ITIH5: variants seen among roughly 807,000 people sequenced by gnomAD.
The protein encoded by ITIH5 is inter-alpha-trypsin inhibitor heavy chain H5.
A neutral mutation model predicts 77.5 loss-of-function variants in ITIH5; 65 were observed. The observed-to-expected ratio is 0.84, with a 90% CI of 0.69 to 1.03. ITIH5 has a LOEUF of 1.03. ITIH5 is among the 50% of genes least tolerant of loss of function. The pLI is 0.00. For synonymous variants in ITIH5, 525 were observed against 494.3 expected, an observed-to-expected ratio of 1.06 and a Z score of -0.82; for missense variants, 1,208 against 1,213.1, an observed-to-expected ratio of 1.00 and a Z score of 0.06.
At chr10:7,599,334 C>A (rs185209821) in intron 7 of ITIH5, among the ~76,000 whole-genome samples, 119 of 152,308 alleles carry the variant, frequency 7.8e-4, no homozygotes, top group African/African-American at 2.6e-3. Flanking sequence ...GAACCCCAGG[C>A]ATGGCTGCTT....
At chr10:7,631,256 C>T (rs1032098350) in intron 5 of ITIH5, among the ~76,000 whole-genome samples, 3 of 152,068 alleles carry the variant, frequency 2.0e-5, no homozygotes, top group Admixed American at 6.6e-5. Flanking sequence ...TAAAAGCTCC[C>T]GTGGATTCTA....
At chr10:7,644,646 T>C (rs138595874) in intron 2 of ITIH5, among the ~76,000 whole-genome samples, 23,635 of 84,976 alleles carry the variant, frequency 0.28, 4,187 homozygotes, top group East Asian at 0.42. Flanking sequence ...ATATATATCA[T>C]ATATATCACA....
chr10:7,575,653 C>G (rs927495947), intron 10 of ITIH5, among the ~76,000 whole-genome samples: 1 of 152,136 alleles, frequency 6.6e-6, no homozygotes, highest in African/African-American at 2.4e-5. Flanking sequence ...TTCAGATTCT[C>G]AGAGACTGAC....
chr10:7,601,011 T>G (rs532278885), intron 7 of ITIH5, among the ~76,000 whole-genome samples: 56 of 152,336 alleles, frequency 3.7e-4, no homozygotes, highest in African/African-American at 1.3e-3. Context: ...GAGTCCATAG[T>G]GGCCTGAATG....
intron 10 of ITIH5, among the ~76,000 whole-genome samples, chr10:7,573,968 G>A (rs556687947): frequency 2.4e-4 from 37 of 152,216 alleles, no homozygotes; most frequent in Admixed American, 1.2e-3. Context: ...TACCAGCATT[G>A]AACTGTACGC....
intron 5 of ITIH5, among the ~76,000 whole-genome samples, chr10:7,628,126 C>G (rs796412746): frequency 6.6e-6 from 1 of 152,180 alleles, no homozygotes; most frequent in African/African-American, 2.4e-5. Context: ...CAGACCTGAG[C>G]CACCATGCCC....
rs139222341 is a variant in ITIH5 at position 7,631,619 on chromosome 10, G to A, written c.652+5609C>T. On this transcript the variant is annotated intron_variant, in intron 5 of 13. Transcript: ENST00000397146. ...TCTCTGGTCTCCATGTGGAAGAGCAGAAGCAGGAGATGGGAAGAGGTTGTT... is the reference window on the plus strand; with the variant it reads ...TCTCTGGTCTCCATGTGGAAGAGCAAAAGCAGGAGATGGGAAGAGGTTGTT... 6.0e-4 allele frequency among the ~76,000 whole-genome samples: 91 copies of A among 152,300 alleles called. No homozygotes were observed. In the East Asian group the frequency reaches 0.012, roughly 19 times the overall value.
At chr10:7,657,418 T>C (rs995645858) in intron 1 of ITIH5, among the ~76,000 whole-genome samples, 1 of 151,918 alleles carries the variant, frequency 6.6e-6, no homozygotes, top group Non-Finnish European at 1.5e-5. Flanking sequence ...CCCACCAGTA[T>C]GCAATCTTTT....
intron 7 of ITIH5, among the ~76,000 whole-genome samples, chr10:7,596,813 C>T (rs1033226700): frequency 9.9e-5 from 15 of 151,744 alleles, no homozygotes; most frequent in Admixed American, 5.3e-4. Flanking sequence ...TTTGGGAGGT[C>T]GAGGAAGGAC....
chr10:7,617,563 A>G, intron 5 of ITIH5: 1 of 229,962 alleles, frequency 4.3e-6, no homozygotes, highest in South Asian at 1.8e-4. Flanking sequence ...CCCAACTTTA[A>G]CAAACATCAG....
At chr10:7,579,099 A>G (rs1288225740) in intron 9 of ITIH5, among the ~76,000 whole-genome samples, 1 of 152,254 alleles carries the variant, frequency 6.6e-6, no homozygotes, top group African/African-American at 2.4e-5. Context: ...AGCTCATTAA[A>G]TACTTAATAT....
At position 7,653,911 on chromosome 10, in the gene ITIH5, T is replaced by C. The variant is rs972255617; in HGVS notation, c.135+1720A>G. Among the ~76,000 whole-genome samples the C allele has an allele frequency of 3.3e-5, 5 of 152,194 alleles. No individual in the cohort carries two copies. The East Asian group carries it at 5.8e-4, about 18-fold the overall frequency. On this transcript the variant is annotated intron_variant, in intron 2 of 13. Coordinates refer to ENST00000397146, the MANE Select transcript of ITIH5 (RefSeq NM_030569.7). ...GGCTCACGCCTGTAATCCCAACACT[T>C]TGGGAGGCCGAGGTGGGCGGATCAC...
At chr10:7,626,666 C>G (rs1833584069) in intron 5 of ITIH5, among the ~76,000 whole-genome samples, 1 of 152,184 alleles carries the variant, frequency 6.6e-6, no homozygotes, top group Non-Finnish European at 1.5e-5. Flanking sequence ...ATACAGAATG[C>G]CTGGTTACGT....
intron 4 of ITIH5, among the ~76,000 whole-genome samples, chr10:7,637,825 C>A (rs1833826906): frequency 1.3e-5 from 2 of 152,134 alleles, no homozygotes; most frequent in African/African-American, 2.4e-5. Context: ...GAATTGTGCT[C>A]TCCCTTTACA....
At chr10:7,584,311 T>TC (rs1832628896) in intron 8 of ITIH5, among the ~76,000 whole-genome samples, 1 of 59,018 alleles carries the variant, frequency 1.7e-5, no homozygotes, top group Non-Finnish European at 4.2e-5. Context: ...TTTTTTTTTC[T>TC]TTTTTTTTTT....
chr10:7,569,897 T>C (rs998569267), intron 11 of ITIH5, 113 bp from the exon 12 acceptor site: 3 of 604,340 alleles, frequency 5.0e-6, no homozygotes, highest in Non-Finnish European at 8.1e-6. Context: ...TCCTGAAAAC[T>C]ATTCTGGAAG....
Position 7,637,272 on chromosome 10 carries a change from A to G in ITIH5, c.608T>C (p.Leu203Pro), listed in dbSNP as rs779158856. ...CCTCTGCCTGCTGTTGTGAAGCGGC[A>G]GCACCTCCAGGGATGCGATGCCCGC... The part of the protein sequence containing the change: ...ESAGIASLEV[L>P]PLHNSRQRGS... Residue 203 changes from leucine (L) to proline (P), a missense_variant, in exon 5 of 14, where the codon CTG becomes CCG. Leu to Pro is a moderately conservative substitution (Grantham distance 98). Coordinates refer to ENST00000397146, the MANE Select transcript of ITIH5 (RefSeq NM_030569.7). The G allele has an allele frequency of 1.9e-6, 3 of 1,611,622 alleles. No individual in the cohort carries two copies. The Admixed American group carries it at 5.0e-5, about 27-fold the overall frequency.
At chr10:7,592,969 G>A (rs991677564) in intron 7 of ITIH5, among the ~76,000 whole-genome samples, 2 of 152,118 alleles carry the variant, frequency 1.3e-5, no homozygotes, top group Admixed American at 1.3e-4. Context: ...GAGTGGTCAG[G>A]CTGCATGGGG....
chr10:7,586,748 G>T (rs1469809732), intron 7 of ITIH5, among the ~76,000 whole-genome samples: 7 of 152,276 alleles, frequency 4.6e-5, no homozygotes, highest in Non-Finnish European at 7.4e-5. Flanking sequence ...ATTACTATGG[G>T]CTGGAGTGAC....
Sources: allele counts gnomAD v4.1 joint callset (sites outside exome capture counted in the v4.1 genomes callset), GRCh38; gene constraint gnomAD v4.1.1; transcripts MANE v1.5; gene names NCBI Gene and HGNC (gene_info 2026-07-23, HGNC 2026-07-21).